Variants in COG5 observed in about 807,000 individuals in gnomAD.
The protein encoded by COG5 is component of oligomeric golgi complex 5.
In COG5, 86 loss-of-function variants were observed where a neutral mutation model predicts 110.4. The ratio of observed to expected loss-of-function variants is 0.78; its 90% CI spans 0.65 to 0.93. COG5 has a LOEUF of 0.93. COG5 is among the 40% of genes least tolerant of loss of function. The probability of loss-of-function intolerance (pLI) is 0.00; values close to 1 mark genes in which losing one functional copy is unlikely to be tolerated. For missense variants in COG5, 1,077 were observed against 987.0 expected (o/e 1.09, Z -1.22); for synonymous variants, 360 against 334.6 (o/e 1.08, Z -0.83).
chr7:107,338,144 G>GAA (rs201667895), intron 10 of COG5, among the ~76,000 whole-genome samples: 2 of 150,762 alleles, frequency 1.3e-5, no homozygotes, highest in Non-Finnish European at 3.0e-5. Context: ...GTAGAAATAA[G>GAA]AAAAAAAAAT....
chr7:107,288,838 G>A lies in COG5; in HGVS notation c.1314-5106C>T, dbSNP rs144318679. Among the ~76,000 whole-genome samples the A allele has an allele frequency of 2.8e-3, 399 of 143,820 alleles. 1 individual carries two copies. Among genetic ancestry groups the A allele is most frequent in the African/African-American group, 1.0e-2 (390 of 39,040 alleles). 94.4% of individuals were successfully genotyped at this position (143,820 alleles called of 152,430 possible). A position where few individuals can be genotyped will look rare whatever the true frequency, so the allele number is the denominator to read the frequency against. ...TTTGTCTTTTGTTGATTGTGATTTTGCTGTCATGTCTAAGAATTATTTACC... is the reference window on the plus strand; with the variant it reads ...TTTGTCTTTTGTTGATTGTGATTTTACTGTCATGTCTAAGAATTATTTACC... On this transcript the variant is annotated intron_variant, in intron 12 of 21. Transcript: ENST00000297135.
At chr7:107,274,238 G>C (rs950608034) in intron 14 of COG5, among the ~76,000 whole-genome samples, 5 of 152,176 alleles carry the variant, frequency 3.3e-5, no homozygotes, top group Non-Finnish European at 7.3e-5. Flanking sequence ...GGGCTTTAGA[G>C]AACATTGGTT....
intron 6 of COG5, among the ~76,000 whole-genome samples, chr7:107,451,629 ACTT>A (rs1795346626): frequency 2.0e-5 from 3 of 151,982 alleles, no homozygotes; most frequent in South Asian, 2.1e-4. Context: ...CAAAACCGAC[ACTT>A]CTTCTTCCTC....
intron 17 of COG5, among the ~76,000 whole-genome samples, chr7:107,242,486 TC>T (rs1003130986): frequency 1.3e-5 from 2 of 152,074 alleles, no homozygotes; most frequent in Non-Finnish European, 2.9e-5. Context: ...CCTCCAGCCA[TC>T]CCCAGCCAGA....
intron 6 of COG5, among the ~76,000 whole-genome samples, chr7:107,520,097 C>A (rs988554729): frequency 1.3e-5 from 2 of 152,266 alleles, no homozygotes; most frequent in African/African-American, 2.4e-5. Context: ...ATTCAACACA[C>A]CTTCATGTTA....
intron 17 of COG5, 114 bp from the exon 18 acceptor site, chr7:107,236,801 T>C (rs1162262020): frequency 1.3e-6 from 1 of 779,610 alleles, no homozygotes; most frequent in African/African-American, 1.7e-5. Context: ...TGTTTTCCCT[T>C]AATGGTATAA....
intron 6 of COG5, among the ~76,000 whole-genome samples, chr7:107,452,707 G>A (rs777629090): frequency 3.9e-5 from 6 of 152,020 alleles, no homozygotes; most frequent in Non-Finnish European, 8.8e-5. Context: ...CCATTAAACC[G>A]TTTTTTCTTC....
chr7:107,366,677 C>T (rs1270736753), intron 8 of COG5, among the ~76,000 whole-genome samples: 5 of 152,050 alleles, frequency 3.3e-5, no homozygotes, highest in Non-Finnish European at 1.5e-5. Context: ...AACACTAAAA[C>T]CCAGCAGTTG....
Position 107,256,719 on chromosome 7 carries a change from T to C in COG5, c.1749+13A>G. On this transcript the variant is annotated intron_variant, in intron 16 of 21. Coordinates refer to ENST00000297135, the MANE Select transcript of COG5 (RefSeq NM_006348.5). Reference sequence around the variant, plus strand: ...CACTTTGATCTATAGAGTCAAAGATTAAATTCTTTTACCTTTAGAGCTGAA... The same window carrying C: ...CACTTTGATCTATAGAGTCAAAGATCAAATTCTTTTACCTTTAGAGCTGAA... 6.3e-7 allele frequency: 1 copy of C among 1,588,912 alleles called. No individual in the cohort carries two copies. The highest frequency in any genetic ancestry group is 8.6e-7 in the Non-Finnish European group (1 of 1,158,570).
chr7:107,254,909 G>A (rs184211407), intron 16 of COG5, among the ~76,000 whole-genome samples: 8 of 152,240 alleles, frequency 5.3e-5, no homozygotes, highest in East Asian at 1.9e-4. Flanking sequence ...GGTCAGTATC[G>A]TAATGTTTTA....
At position 107,298,295 on chromosome 7, in the gene COG5, CG is replaced by C. The variant is rs1422285851; in HGVS notation, c.1159del (p.Arg387ValfsTer57). ...AFEGEYPKLLRLYNDLWKRLQ... is the reference protein window; with the variant it reads ...AFEGEYPKLLXLYNDLWKRLQ... The stretch of plus-strand genomic sequence containing the variant: ...ACGCTTCCATAAGTCATTATAAAGA[CG>C]TAATAATTTAGGGTATTCTCCTTCA... On this transcript the variant is annotated frameshift_variant, in exon 12 of 22. Transcript: ENST00000297135. LOFTEE classifies it high-confidence loss of function. The C allele has an allele frequency of 1.9e-6, 3 of 1,613,380 alleles. No individual in the cohort carries two copies. Among genetic ancestry groups the C allele is most frequent in the Non-Finnish European group, 2.5e-6 (3 of 1,179,760 alleles).
intron 6 of COG5, among the ~76,000 whole-genome samples, chr7:107,417,594 C>CA (rs1302646513): frequency 6.6e-6 from 1 of 152,110 alleles, no homozygotes; most frequent in East Asian, 1.9e-4. Flanking sequence ...ATCAAAGTAA[C>CA]ACGTTAGCTT....
chr7:107,216,980 A>C (rs1326265185), intron 19 of COG5, among the ~76,000 whole-genome samples: 1 of 152,064 alleles, frequency 6.6e-6, no homozygotes, highest in African/African-American at 2.4e-5. Flanking sequence ...CAAACCCTTA[A>C]CTAGACTAAA....
At chr7:107,216,467 G>A (rs1055508830) in intron 19 of COG5, among the ~76,000 whole-genome samples, 19 of 152,310 alleles carry the variant, frequency 1.2e-4, no homozygotes, top group Admixed American at 1.2e-3. Flanking sequence ...AAGTGCACAC[G>A]TATCTTGCTT....
intron 6 of COG5, among the ~76,000 whole-genome samples, chr7:107,526,764 T>C (rs897288427): frequency 3.9e-5 from 6 of 152,210 alleles, no homozygotes; most frequent in Non-Finnish European, 8.8e-5. Flanking sequence ...AGGTATTATT[T>C]TGAGTACAAG....
chr7:107,247,005 G>A (rs531884863), intron 17 of COG5, among the ~76,000 whole-genome samples: 9 of 152,286 alleles, frequency 5.9e-5, no homozygotes, highest in African/African-American at 2.2e-4. Flanking sequence ...TAAAGAAATT[G>A]TGGTACATAT....
chr7:107,221,277 G>GGGGT (rs1799907486), intron 19 of COG5, among the ~76,000 whole-genome samples: 1 of 152,072 alleles, frequency 6.6e-6, no homozygotes. Flanking sequence ...GAAGACCCCA[G>GGGGT]GGGTGGGGGT....
At chr7:107,445,175 T>C (rs970049387) in intron 6 of COG5, among the ~76,000 whole-genome samples, 2 of 151,972 alleles carry the variant, frequency 1.3e-5, no homozygotes, top group Non-Finnish European at 2.9e-5. Flanking sequence ...CACTCCAGCC[T>C]GGGCAACACA....
chr7:107,373,319 CATTT>C (rs1375013441), intron 7 of COG5, among the ~76,000 whole-genome samples: 8 of 152,116 alleles, frequency 5.3e-5, no homozygotes, highest in African/African-American at 1.9e-4. Context: ...ATGGAACTTA[CATTT>C]ATTGAGAAAT....
Sources: allele counts gnomAD v4.1 joint callset (sites outside exome capture counted in the v4.1 genomes callset), GRCh38; gene constraint gnomAD v4.1.1; transcripts MANE v1.5; gene names NCBI Gene and HGNC (gene_info 2026-07-23, HGNC 2026-07-21).